Variants in ADCY8 observed in about 807,000 individuals in gnomAD.
ADCY8 encodes adenylate cyclase type 8.
Under a neutral mutation model 119.7 loss-of-function variants are expected in ADCY8, and 51 were observed. The ratio of observed to expected loss-of-function variants is 0.43; its 90% confidence interval spans 0.34 to 0.54. The LOEUF is 0.54. ADCY8 is among the 20% of genes least tolerant of loss of function. ADCY8 has a pLI of 0.03. For missense variants in ADCY8, 1,383 were observed against 1,598.8 expected (o/e 0.87, Z 2.30); for synonymous variants, 665 against 651.0 (o/e 1.02, Z -0.33).
At chr8:130,847,942 T>G (rs1316341756) in intron 10 of ADCY8, among the ~76,000 whole-genome samples, 1 of 152,182 alleles carries the variant, frequency 6.6e-6, no homozygotes, top group Non-Finnish European at 1.5e-5. Flanking sequence ...CTCTTAGCAC[T>G]GGGGTGATGG....
intron 7 of ADCY8, among the ~76,000 whole-genome samples, chr8:130,894,919 G>A (rs17248988): frequency 0.14 from 21,540 of 152,038 alleles, 1,681 homozygotes; most frequent in Non-Finnish European, 0.18. Context: ...AACCTTCCTC[G>A]ATATGAACTG....
chr8:130,850,150 C>G (rs1398045537), intron 9 of ADCY8, among the ~76,000 whole-genome samples: 1 of 152,122 alleles, frequency 6.6e-6, no homozygotes, highest in African/African-American at 2.4e-5. Flanking sequence ...ACCCACATAC[C>G]CTTTTCCCTT....
intron 14 of ADCY8, 41 bp downstream of exon 14, chr8:130,814,028 C>T (rs1816257559): frequency 1.2e-6 from 2 of 1,610,986 alleles, no homozygotes; most frequent in South Asian, 1.1e-5. Context: ...ACATCACCCA[C>T]CACCACCCTT....
intron 1 of ADCY8, among the ~76,000 whole-genome samples, chr8:131,022,122 G>GT (rs765192695): frequency 1.9e-3 from 257 of 135,650 alleles, no homozygotes; most frequent in African/African-American, 7.2e-3. Flanking sequence ...ACACCAATCT[G>GT]TTTTTTTTAT....
chr8:130,866,300 C>T (rs527362057), intron 9 of ADCY8, among the ~76,000 whole-genome samples: 1 of 150,298 alleles, frequency 6.7e-6, no homozygotes, highest in East Asian at 1.9e-4. Flanking sequence ...GAAGGTCAAG[C>T]ATGGCCTGCC....
At chr8:130,934,334 G>C (rs1273899239) in intron 5 of ADCY8, among the ~76,000 whole-genome samples, 5 of 152,312 alleles carry the variant, frequency 3.3e-5, no homozygotes, top group Admixed American at 1.3e-4. Context: ...GAAGGTAAAG[G>C]GGAAGCAGGC....
chr8:130,941,766 C>T (rs1820964453), intron 4 of ADCY8, among the ~76,000 whole-genome samples: 2 of 152,160 alleles, frequency 1.3e-5, no homozygotes, highest in Non-Finnish European at 2.9e-5. Context: ...CACTTCCTAC[C>T]CTGCACTTTA....
intron 12 of ADCY8, among the ~76,000 whole-genome samples, chr8:130,827,961 T>A (rs1816717098): frequency 6.6e-6 from 1 of 152,178 alleles, no homozygotes; most frequent in Admixed American, 6.5e-5. Flanking sequence ...AGAATCCTGG[T>A]TACTGGGCAT....
At chr8:130,885,714 C>T (rs902801634) in intron 7 of ADCY8, among the ~76,000 whole-genome samples, 5 of 151,848 alleles carry the variant, frequency 3.3e-5, no homozygotes, top group African/African-American at 1.2e-4. Context: ...GACAAGGAAG[C>T]CCAACCCATC....
At chr8:130,822,578 CCATCCA>C in intron 12 of ADCY8, among the ~76,000 whole-genome samples, 1 of 152,098 alleles carries the variant, frequency 6.6e-6, no homozygotes, top group Non-Finnish European at 1.5e-5. Context: ...ATCCATCCAT[CCATCCA>C]TCCATCCATC....
intron 1 of ADCY8, among the ~76,000 whole-genome samples, chr8:131,028,613 A>C (rs1823895882): frequency 6.6e-6 from 1 of 151,890 alleles, no homozygotes; most frequent in Non-Finnish European, 1.5e-5. Context: ...AGTTTTAGTT[A>C]ATTGCTTTGA....
rs35382013 is a variant in ADCY8 at position 130,903,464 on chromosome 8, G to GTTTTTTTT, written c.1911+300_1911+307dup. On this transcript the variant is annotated intron_variant, in intron 7 of 17. Transcript: ENST00000286355. ...GGGTTTATTTTTTCCAACATGAGTG[G>GTTTTTTTT]TTTTTTTTTTTTTTTGGTAAAATTA... Among the ~76,000 whole-genome samples the GTTTTTTTT allele has an allele frequency of 2.6e-4, 33 of 124,716 alleles. No homozygotes were observed. The South Asian group carries it at 8.3e-3, about 31-fold the overall frequency. The allele number at this position is 124,716 out of a possible 152,430, so 81.8% of individuals were successfully genotyped here.
chr8:130,916,111 C>T (rs1375551093), intron 5 of ADCY8, among the ~76,000 whole-genome samples: 11 of 152,170 alleles, frequency 7.2e-5, no homozygotes, highest in Admixed American at 2.6e-4. Context: ...TATTGCTTTA[C>T]GTCACACAGT....
chr8:130,846,647 C>T (rs1157313060), intron 11 of ADCY8, among the ~76,000 whole-genome samples: 1 of 139,124 alleles, frequency 7.2e-6, no homozygotes, highest in Non-Finnish European at 1.6e-5. Flanking sequence ...TCCTTCCCTC[C>T]TTCCTTCCCC....
At chr8:130,983,589 G>A (rs1038956682) in intron 2 of ADCY8, among the ~76,000 whole-genome samples, 2 of 152,186 alleles carry the variant, frequency 1.3e-5, no homozygotes, top group African/African-American at 4.8e-5. Flanking sequence ...GGTAGCAAGT[G>A]ACATGATTGG....
chr8:131,030,993 A>T (rs915773428), intron 1 of ADCY8, among the ~76,000 whole-genome samples: 12 of 152,196 alleles, frequency 7.9e-5, no homozygotes, highest in Non-Finnish European at 2.9e-5. Context: ...AGCAACCATG[A>T]TGACATGAGA....
chr8:130,902,045 A>G (rs770894246), intron 7 of ADCY8, among the ~76,000 whole-genome samples: 1 of 152,244 alleles, frequency 6.6e-6, no homozygotes, highest in African/African-American at 2.4e-5. Context: ...GCTCTCAGTT[A>G]TTAGTAGCAA....
chr8:130,951,798 A>G, intron 3 of ADCY8, 70 bp downstream of exon 3: 1 of 1,582,272 alleles, frequency 6.3e-7, no homozygotes, highest in Non-Finnish European at 8.6e-7. Context: ...GAAGTCACGG[A>G]AGTGCAATGA....
At chr8:131,019,825 C>CTCTG (rs1563770534) in intron 1 of ADCY8, among the ~76,000 whole-genome samples, 10 of 124,582 alleles carry the variant, frequency 8.0e-5, no homozygotes, top group African/African-American at 3.4e-4. Context: ...CTCTCTCTCT[C>CTCTG]TCTCTCTCTC....
Sources: allele counts gnomAD v4.1 joint callset (sites outside exome capture counted in the v4.1 genomes callset), GRCh38; gene constraint gnomAD v4.1.1; transcripts MANE v1.5; gene names NCBI Gene and HGNC (gene_info 2026-07-23, HGNC 2026-07-21).